Variants in GABBR2 observed in about 807,000 individuals in gnomAD.
GABBR2 encodes G-protein coupled receptor 51.
Under a neutral mutation model 105.6 loss-of-function variants are expected in GABBR2, and 23 were observed. That is an observed-to-expected ratio of 0.22 (90% CI 0.16 to 0.31). The LOEUF (loss-of-function observed/expected upper bound fraction) is 0.31. GABBR2 is among the 10% of genes least tolerant of loss of function. The pLI is 1.00. For missense variants in GABBR2, 734 were observed against 1,245.5 expected (o/e 0.59, Z 6.18); for synonymous variants, 478 against 499.7 (o/e 0.96, Z 0.58).
At chr9:98,367,189 G>GT (rs397695823) in intron 12 of GABBR2, among the ~76,000 whole-genome samples, 2 of 46,134 alleles carry the variant, frequency 4.3e-5, no homozygotes, top group Non-Finnish European at 7.7e-5. Context: ...CATCATGGAT[G>GT]AGGGAGGAGG....
intron 7 of GABBR2, among the ~76,000 whole-genome samples, chr9:98,407,720 G>A (rs1003102171): frequency 1.6e-4 from 24 of 152,172 alleles, no homozygotes; most frequent in Middle Eastern, 6.8e-3. Flanking sequence ...TTTAAAATGC[G>A]CACAAATTCT....
chr9:98,429,709 TC>T (rs1825763813), intron 7 of GABBR2, among the ~76,000 whole-genome samples: 1 of 152,138 alleles, frequency 6.6e-6, no homozygotes, highest in South Asian at 2.1e-4. Context: ...CTCAGTGTCT[TC>T]CCAGGGACTT....
intron 13 of GABBR2, among the ~76,000 whole-genome samples, chr9:98,339,602 G>A (rs2131403913): frequency 6.6e-6 from 1 of 152,198 alleles, no homozygotes; most frequent in East Asian, 1.9e-4. Flanking sequence ...GATGTGATTT[G>A]GCAATAGCGT....
At chr9:98,417,676 G>GA (rs1048621580) in intron 7 of GABBR2, among the ~76,000 whole-genome samples, 4 of 152,144 alleles carry the variant, frequency 2.6e-5, no homozygotes, top group African/African-American at 9.7e-5. Context: ...GTGTTACAAT[G>GA]AAAAAGACAA....
Position 98,528,447 on chromosome 9 carries a change from A to C in GABBR2, c.630+13426T>G, listed in dbSNP as rs182446094. Among the ~76,000 whole-genome samples, 11 of 152,326 alleles carry C rather than the reference A, an allele frequency of 7.2e-5. No homozygotes were observed. The East Asian group carries it at 1.9e-3, about 27-fold the overall frequency. ...TTGTCAAGCATAATGGAAAGGTGAAAAAAATGGTCTTGATAAATTTAACTG... is the reference window on the plus strand; with the variant it reads ...TTGTCAAGCATAATGGAAAGGTGAACAAAATGGTCTTGATAAATTTAACTG... On this transcript the variant is annotated intron_variant, in intron 3 of 18. Transcript: ENST00000259455.
rs1205356612 is a variant in GABBR2, at chr9:98,539,718, C to T, written c.630+2155G>A. Among the ~76,000 whole-genome samples, 3 of 151,958 alleles carry T rather than the reference C, an allele frequency of 2.0e-5. No homozygotes were observed. In the East Asian group the frequency reaches 5.8e-4, roughly 29 times the overall value. ...AGATCAAGAGGTCAAGAGATCGAGA[C>T]CATCCTAGCCAATATGGTGAAACCC... is the stretch of plus-strand genomic sequence containing the variant. On this transcript the variant is annotated intron_variant, in intron 3 of 18. Transcript: ENST00000259455.
intron 1 of GABBR2, among the ~76,000 whole-genome samples, chr9:98,673,206 A>G (rs960828565): frequency 3.3e-5 from 5 of 152,232 alleles, no homozygotes; most frequent in African/African-American, 1.2e-4. Flanking sequence ...TGTGCATCTT[A>G]GAATCAAGAA....
At chr9:98,446,526 A>T (rs1214103134) in intron 7 of GABBR2, among the ~76,000 whole-genome samples, 2 of 152,132 alleles carry the variant, frequency 1.3e-5, no homozygotes, top group African/African-American at 4.8e-5. Context: ...GGTACATTTC[A>T]TCTGAGTTTG....
At chr9:98,560,618 T>C (rs2779518) in intron 2 of GABBR2, among the ~76,000 whole-genome samples, 97,581 of 151,706 alleles carry the variant, frequency 0.64, 31,499 homozygotes, top group East Asian at 0.77. Context: ...TTCCTATAAA[T>C]CCAAAAATAT....
At chr9:98,654,968 G>A (rs10987259) in intron 1 of GABBR2, among the ~76,000 whole-genome samples, 8,175 of 152,198 alleles carry the variant, frequency 0.054, 838 homozygotes, top group East Asian at 0.44. Flanking sequence ...GTCTTTAAAT[G>A]CATGTTGAAT....
chr9:98,408,540 A>G (rs967239864), intron 7 of GABBR2, among the ~76,000 whole-genome samples: 1 of 152,204 alleles, frequency 6.6e-6, no homozygotes, highest in Non-Finnish European at 1.5e-5. Context: ...ACAGGCCAGT[A>G]AGGTGGTTCT....
At chr9:98,661,548 A>T (rs549061744) in intron 1 of GABBR2, among the ~76,000 whole-genome samples, 1 of 152,010 alleles carries the variant, frequency 6.6e-6, no homozygotes, top group Admixed American at 6.5e-5. Context: ...TTACAGGCGC[A>T]TACCACCATG....
At chr9:98,415,497 G>A (rs111377814) in intron 7 of GABBR2, among the ~76,000 whole-genome samples, 3 of 152,296 alleles carry the variant, frequency 2.0e-5, no homozygotes, top group African/African-American at 7.2e-5. Context: ...TTCAGATTCA[G>A]GCTGAACTTG....
intron 3 of GABBR2, among the ~76,000 whole-genome samples, chr9:98,529,589 G>A (rs574450756): frequency 6.5e-4 from 99 of 152,204 alleles, no homozygotes; most frequent in African/African-American, 2.3e-3. Flanking sequence ...CAAGTTTTCT[G>A]CATTGAGTTC....
chr9:98,673,385 G>A (rs1198971238), intron 1 of GABBR2, among the ~76,000 whole-genome samples: 1 of 152,122 alleles, frequency 6.6e-6, no homozygotes, highest in African/African-American at 2.4e-5. Flanking sequence ...ATGTGCAGAG[G>A]ACAACTAATG....
At chr9:98,566,798 CAAAAAAAAA>C (rs55752458) in intron 2 of GABBR2, among the ~76,000 whole-genome samples, 4 of 88,202 alleles carry the variant, frequency 4.5e-5, no homozygotes, top group South Asian at 4.5e-4. Context: ...AAGACACTGT[CAAAAAAAAA>C]AAAAAAAAAA....
At chr9:98,317,887 C>T (rs188029928) in intron 13 of GABBR2, among the ~76,000 whole-genome samples, 1 of 152,290 alleles carries the variant, frequency 6.6e-6, no homozygotes, top group East Asian at 1.9e-4. Context: ...CTAAAGGAAA[C>T]TACGGGCACT....
intron 1 of GABBR2, among the ~76,000 whole-genome samples, chr9:98,655,165 T>A (rs1352513094): frequency 6.6e-6 from 1 of 152,212 alleles, no homozygotes; most frequent in Non-Finnish European, 1.5e-5. Context: ...CCTGTCATTA[T>A]GCATTTGTCC....
chr9:98,356,145 T>C (rs1831479713), intron 13 of GABBR2, among the ~76,000 whole-genome samples: 1 of 152,212 alleles, frequency 6.6e-6, no homozygotes, highest in Non-Finnish European at 1.5e-5. Context: ...AATGAGTGTT[T>C]TGATACATCA....
Sources: gnomAD v4.1 joint callset for allele counts (sites outside exome capture counted in the v4.1 genomes callset) on GRCh38, gnomAD v4.1.1 for gene constraint, MANE v1.5 for transcripts, NCBI Gene and HGNC (gene_info 2026-07-23, HGNC 2026-07-21) for gene names.